FAM149B1: variants seen among roughly 807,000 people sequenced by gnomAD.
FAM149B1 encodes the protein primary cilium assembly protein FAM149B1.
A neutral mutation model predicts 75.3 loss-of-function variants in FAM149B1; 56 were observed. That is an observed-to-expected ratio of 0.74 (90% CI 0.60 to 0.93). FAM149B1 has a LOEUF of 0.93. FAM149B1 is among the 40% of genes least tolerant of loss of function. The pLI, the probability that FAM149B1 is intolerant of heterozygous loss-of-function variation, is 0.00. For synonymous variants in FAM149B1, 259 were observed against 256.1 expected, an observed-to-expected ratio of 1.01 and a Z score of -0.11; for missense variants, 639 against 708.4, an observed-to-expected ratio of 0.90 and a Z score of 1.11.
At chr10:73,194,803 C>G (rs527692733) in intron 5 of FAM149B1, among the ~76,000 whole-genome samples, 1 of 152,044 alleles carries the variant, frequency 6.6e-6, no homozygotes, top group African/African-American at 2.4e-5. Flanking sequence ...CCTGCCCCAG[C>G]CTCCTGATTA....
At chr10:73,214,666 G>A (rs1002206241) in intron 7 of FAM149B1, among the ~76,000 whole-genome samples, 1 of 152,126 alleles carries the variant, frequency 6.6e-6, no homozygotes, top group Non-Finnish European at 1.5e-5. Flanking sequence ...TGATCATGTT[G>A]TATTATCTTT....
At position 73,193,480 on chromosome 10, in the gene FAM149B1, T is replaced by G. The variant is rs2042726268; in HGVS notation, c.429T>G (p.Ile143Met). Residue 143 changes from isoleucine (I) to methionine (M), a missense_variant, in exon 5 of 14, where the codon ATT (isoleucine) becomes ATG (methionine). By Grantham distance (10) the Ile-to-Met change is conservative. Transcript: ENST00000242505. ...TCTGTGTTTCTTCATTTTGAAGGAT[T>G]CTAGGTAGGCAGATAATCACTCCAA... is the stretch of plus-strand genomic sequence containing the variant. ...QWTASFPHLR[I>M]LGRQIITPSE... The G allele has an allele frequency of 6.5e-7, 1 of 1,548,348 alleles. No homozygotes were observed. Among genetic ancestry groups the G allele is most frequent in the Non-Finnish European group, 8.7e-7 (1 of 1,146,224 alleles).
chr10:73,231,732 T>TA (rs2043703997), intron 9 of FAM149B1, among the ~76,000 whole-genome samples: 2 of 152,100 alleles, frequency 1.3e-5, no homozygotes, highest in African/African-American at 4.8e-5. Flanking sequence ...AAAAGATGGG[T>TA]TTCTTCTGGG....
At chr10:73,222,981 G>T (rs146890256) in intron 7 of FAM149B1, among the ~76,000 whole-genome samples, 17 of 152,174 alleles carry the variant, frequency 1.1e-4, no homozygotes, top group Non-Finnish European at 2.2e-4. Context: ...TAGCCAGGGC[G>T]TGGTGGTGCA....
chr10:73,236,173 C>CA lies in FAM149B1; in HGVS notation c.1602+856dup, dbSNP rs547725257. On this transcript the variant is annotated intron_variant, in intron 12 of 13. Coordinates refer to ENST00000242505, the MANE Select transcript of FAM149B1 (RefSeq NM_173348.2). Reference sequence around the variant, plus strand: ...GAAGAGTGGTAAGGATAATCAATATCAGACCTCTGTATTAGTTTCCTAGGG... The same window carrying CA: ...GAAGAGTGGTAAGGATAATCAATATCAAGACCTCTGTATTAGTTTCCTAGGG... 1.5e-4 allele frequency among the ~76,000 whole-genome samples: 23 copies of CA among 152,254 alleles called. No homozygotes were observed. In the South Asian group the frequency reaches 4.8e-3, roughly 32 times the overall value.
At position 73,174,762 on chromosome 10, in the gene FAM149B1, C is replaced by T; in HGVS notation, c.123C>T (p.Asp41=). 2.6e-6 allele frequency: 4 copies of T among 1,550,774 alleles called. No homozygotes were observed. The highest frequency in any genetic ancestry group is 3.5e-6 in the Non-Finnish European group (4 of 1,146,210). Residue 41 remains aspartate (D), a synonymous_variant, in exon 2 of 14, where the codon GAC becomes GAT. Transcript: ENST00000242505. ...TGGAGGAAATTTCCCCCACCAGTGA[C>T]AGTCATGAGAAAGACACAAGTTCCC... ...EKLEEISPTS[D]SHEKDTSSQS...
At position 73,177,957 on chromosome 10, in the gene FAM149B1, C is replaced by A. The variant is rs1440433656; in HGVS notation, c.264C>A (p.Asp88Glu). The A allele has an allele frequency of 6.4e-7, 1 of 1,551,234 alleles. No individual in the cohort carries two copies. Among genetic ancestry groups the A allele is most frequent in the Non-Finnish European group, 8.7e-7 (1 of 1,146,852 alleles). The change falls in exon 3 of 14, where the codon GAC (aspartate) becomes GAA (glutamate). Residue 88 changes from aspartate to glutamate, a missense_variant. Physicochemically the swap from Asp to Glu is conservative, Grantham distance 45. Transcript: ENST00000242505. ...GGATATCTACTGAAGGAAGCTCGGA[C>A]TTCTCCTGGGGATATGGTGTGAGTT... ...GAGISTEGSS[D>E]FSWGYGELDQ...
chr10:73,209,566 C>A, intron 6 of FAM149B1, among the ~76,000 whole-genome samples: 1 of 152,198 alleles, frequency 6.6e-6, no homozygotes. Flanking sequence ...TAACTATATT[C>A]TAACAGTAGA....
chr10:73,210,247 A>G lies in FAM149B1; in HGVS notation c.711-4A>G. ...GAAGTCTTTCCTTCTTGCTTCTGTTACAGAGAAGAGGGATTTCATGGGAAG... is the reference window on the plus strand; with the variant it reads ...GAAGTCTTTCCTTCTTGCTTCTGTTGCAGAGAAGAGGGATTTCATGGGAAG... On this transcript the variant is annotated splice_polypyrimidine_tract_variant and splice_region_variant and intron_variant, in intron 6 of 13. Transcript: ENST00000242505. 1.3e-6 allele frequency: 2 copies of G among 1,547,940 alleles called. No homozygotes were observed. The highest frequency in any genetic ancestry group is 1.7e-6 in the Non-Finnish European group (2 of 1,144,246).
chr10:73,216,511 G>A (rs529291949), intron 7 of FAM149B1, among the ~76,000 whole-genome samples: 1 of 152,210 alleles, frequency 6.6e-6, no homozygotes, highest in Admixed American at 6.5e-5. Flanking sequence ...TAATGAAATT[G>A]CAGCATTAAA....
intron 3 of FAM149B1, among the ~76,000 whole-genome samples, chr10:73,182,747 T>C (rs1361041496): frequency 1.3e-5 from 2 of 152,258 alleles, no homozygotes; most frequent in African/African-American, 4.8e-5. Flanking sequence ...TTGAGTCTTC[T>C]GACTAAGGCC....
chr10:73,226,708 A>G (rs2133393440), intron 7 of FAM149B1, among the ~76,000 whole-genome samples: 2 of 152,334 alleles, frequency 1.3e-5, no homozygotes, highest in East Asian at 3.9e-4. Flanking sequence ...TAGTTCCTGT[A>G]ATATTTAAGA....
At position 73,239,374 on chromosome 10, in the gene FAM149B1, G is replaced by A; in HGVS notation, c.1665G>A (p.Arg555=). The change falls in exon 13 of 14, where the codon AGG becomes AGA. Residue 555 remains arginine (R), a synonymous_variant. Coordinates refer to ENST00000242505, the MANE Select transcript of FAM149B1 (RefSeq NM_173348.2). ...VEYPHQARPG[R]GSAGPQLHGS... ...ATCCTCATCAGGCCCGACCTGGCAGGGGATCTGCAGGTAAAGGTGGGGCCA... is the reference window on the plus strand; with the variant it reads ...ATCCTCATCAGGCCCGACCTGGCAGAGGATCTGCAGGTAAAGGTGGGGCCA... The A allele has an allele frequency of 6.4e-7, 1 of 1,551,438 alleles. No individual in the cohort carries two copies. The highest frequency in any genetic ancestry group is 1.4e-5 in the African/African-American group (1 of 73,154).
chr10:73,200,352 C>CAA (rs1441601445), intron 5 of FAM149B1: 6 of 498,618 alleles, frequency 1.2e-5, no homozygotes, highest in Non-Finnish European at 7.9e-6. Flanking sequence ...CAAAACAAAA[C>CAA]AAAAAATACC....
At position 73,214,266 on chromosome 10, in the gene FAM149B1, C is replaced by T. The variant is rs564615075; in HGVS notation, c.898+3828C>T. Among the ~76,000 whole-genome samples, 37 of 152,276 alleles carry T rather than the reference C, an allele frequency of 2.4e-4. No homozygotes were observed. The South Asian group carries it at 7.5e-3, about 31-fold the overall frequency. The stretch of plus-strand genomic sequence containing the variant: ...AAGATCATACCATCAGCAAACAGGG[C>T]AATTTGCCTTCCTCTTTTCCAATTT... On this transcript the variant is annotated intron_variant, in intron 7 of 13. Coordinates refer to ENST00000242505, the MANE Select transcript of FAM149B1 (RefSeq NM_173348.2).
chr10:73,204,629 C>A (rs952065806), intron 5 of FAM149B1, among the ~76,000 whole-genome samples: 5 of 151,886 alleles, frequency 3.3e-5, no homozygotes, highest in African/African-American at 4.8e-5. Context: ...TACTGAATGC[C>A]TAGGAAGGAA....
intron 3 of FAM149B1, among the ~76,000 whole-genome samples, chr10:73,187,097 T>C (rs2042543638): frequency 6.6e-6 from 1 of 151,898 alleles, no homozygotes; most frequent in African/African-American, 2.4e-5. Context: ...AAAATGAAAA[T>C]TTAAAAATCA....
intron 7 of FAM149B1, among the ~76,000 whole-genome samples, chr10:73,216,341 A>G (rs915052348): frequency 2.6e-5 from 4 of 152,036 alleles, no homozygotes; most frequent in African/African-American, 9.7e-5. Flanking sequence ...ATTTTTTTTC[A>G]ATCCATGCTG....
chr10:73,197,815 A>G (rs567823890), intron 5 of FAM149B1, among the ~76,000 whole-genome samples: 2 of 152,218 alleles, frequency 1.3e-5, no homozygotes, highest in African/African-American at 2.4e-5. Flanking sequence ...GTGGCAGCAT[A>G]CAGGGGAAAC....
Sources: gnomAD v4.1 joint callset for allele counts (sites outside exome capture counted in the v4.1 genomes callset) on GRCh38, gnomAD v4.1.1 for gene constraint, MANE v1.5 for transcripts, NCBI Gene and HGNC (gene_info 2026-07-23, HGNC 2026-07-21) for gene names.